The following EYA3 variants were observed in gnomAD, a reference collection of about 807,000 sequenced individuals.
EYA3 encodes the protein protein phosphatase EYA3.
In EYA3, 39 loss-of-function variants were observed where a neutral mutation model predicts 80.0. The ratio of observed to expected loss-of-function variants is 0.49; its 90% CI spans 0.38 to 0.64. The LOEUF is 0.64. EYA3 is among the 30% of genes least tolerant of loss of function. EYA3 has a pLI of 0.00. For synonymous variants in EYA3, 206 were observed against 232.8 expected, an observed-to-expected ratio of 0.88 and a Z score of 1.05; for missense variants, 523 against 676.1, an observed-to-expected ratio of 0.77 and a Z score of 2.51.
chr1:28,070,965 C>T (rs941625560), intron 1 of EYA3, among the ~76,000 whole-genome samples: 19 of 152,194 alleles, frequency 1.2e-4, no homozygotes, highest in African/African-American at 4.3e-4. Flanking sequence ...CTCTATCACC[C>T]AGGCTGGAGT....
At chr1:27,993,305 A>T in intron 14 of EYA3, 95 bp downstream of exon 14, 1 of 1,284,016 alleles carries the variant, frequency 7.8e-7, no homozygotes, top group Non-Finnish European at 1.1e-6. Flanking sequence ...CATAATTTAT[A>T]AGCAGTTGTC....
At chr1:27,991,236 C>T (rs1002287968) in intron 14 of EYA3, among the ~76,000 whole-genome samples, 2 of 152,158 alleles carry the variant, frequency 1.3e-5, no homozygotes, top group Non-Finnish European at 2.9e-5. Context: ...TAAGATTACA[C>T]AGTAAGTTTG....
rs1571810128 is a variant in EYA3 at position 28,017,134 on chromosome 1, G to A, written c.585+20C>T. ...CTGGATGAACTCTATCAAACAGGAT[G>A]AACAAAGGTAGCATCATACCTGGTT... is the stretch of plus-strand genomic sequence containing the variant. On this transcript the variant is annotated intron_variant, in intron 8 of 17. Coordinates refer to ENST00000373871, the MANE Select transcript of EYA3 (RefSeq NM_001990.4). 6.3e-7 allele frequency: 1 copy of A among 1,593,850 alleles called. No homozygotes were observed. Among genetic ancestry groups the A allele is most frequent in the Non-Finnish European group, 8.6e-7 (1 of 1,162,122 alleles).
At chr1:28,040,893 G>C (rs1349517582) in intron 4 of EYA3, among the ~76,000 whole-genome samples, 1 of 152,116 alleles carries the variant, frequency 6.6e-6, no homozygotes, top group East Asian at 1.9e-4. Flanking sequence ...GTTTTAAAAT[G>C]GTAAGATGTT....
At chr1:28,058,573 ACTAT>A (rs1222946803) in intron 1 of EYA3, among the ~76,000 whole-genome samples, 1 of 152,162 alleles carries the variant, frequency 6.6e-6, no homozygotes, top group Non-Finnish European at 1.5e-5. Flanking sequence ...TTCACAACCA[ACTAT>A]CTGTCTATAT....
chr1:27,977,954 C>G (rs946455787), intron 17 of EYA3, among the ~76,000 whole-genome samples: 2 of 151,754 alleles, frequency 1.3e-5, no homozygotes, highest in African/African-American at 4.8e-5. Context: ...GGCTCAAAGG[C>G]AGGAAAGACT....
At chr1:28,040,408 T>C (rs1643708227) in intron 4 of EYA3, among the ~76,000 whole-genome samples, 1 of 152,164 alleles carries the variant, frequency 6.6e-6, no homozygotes, top group African/African-American at 2.4e-5. Flanking sequence ...CCAGTAAAGA[T>C]GTCAAACAGG....
At chr1:27,989,899 G>T in intron 14 of EYA3, 88 bp from the exon 15 acceptor site, 1 of 668,100 alleles carries the variant, frequency 1.5e-6, no homozygotes, top group Non-Finnish European at 2.5e-6. Context: ...AATTTAAAAA[G>T]TGTGAGTCAC....
intron 5 of EYA3, 66 bp from the exon 6 acceptor site, chr1:28,035,746 T>C (rs561477234): frequency 6.9e-7 from 1 of 1,457,446 alleles, no homozygotes; most frequent in East Asian, 2.3e-5. Flanking sequence ...ATAGGTAAAA[T>C]AGCTACCACC....
chr1:27,993,231 C>G (rs547184176), intron 14 of EYA3, among the ~76,000 whole-genome samples, 169 bp downstream of exon 14: 18 of 152,162 alleles, frequency 1.2e-4, no homozygotes, highest in Admixed American at 3.3e-4. Context: ...TATAGAGCTT[C>G]CTCCCAAAAG....
intron 5 of EYA3, among the ~76,000 whole-genome samples, chr1:28,036,989 A>C (rs1643494846): frequency 6.6e-6 from 1 of 152,162 alleles, no homozygotes; most frequent in African/African-American, 2.4e-5. Context: ...GAGGGTATAG[A>C]GTAAGGAAAG....
At chr1:28,010,802 C>G in intron 10 of EYA3, 145 bp downstream of exon 10, 2 of 857,422 alleles carry the variant, frequency 2.3e-6, no homozygotes, top group Non-Finnish European at 1.7e-6. Flanking sequence ...TTTCTTTTAA[C>G]GTGGCCAATT....
intron 3 of EYA3, among the ~76,000 whole-genome samples, chr1:28,047,639 C>A (rs371761543): frequency 7.5e-6 from 1 of 133,224 alleles, no homozygotes. Flanking sequence ...CCTCTTTTCT[C>A]TTTTTTTTTT....
intron 1 of EYA3, among the ~76,000 whole-genome samples, chr1:28,081,204 A>G (rs1032293111): frequency 6.6e-6 from 1 of 152,240 alleles, no homozygotes; most frequent in Non-Finnish European, 1.5e-5. Flanking sequence ...AACAAAAAAT[A>G]CATAGAAATG....
At chr1:28,079,384 A>G (rs1442113488) in intron 1 of EYA3, among the ~76,000 whole-genome samples, 1 of 152,258 alleles carries the variant, frequency 6.6e-6, no homozygotes, top group Non-Finnish European at 1.5e-5. Context: ...ACACATGAGC[A>G]AACTGCTTCA....
At chr1:27,980,238 A>G (rs899483842) in intron 16 of EYA3, among the ~76,000 whole-genome samples, 1 of 152,222 alleles carries the variant, frequency 6.6e-6, no homozygotes, top group Non-Finnish European at 1.5e-5. Context: ...CATTCAACTA[A>G]TAATAAATTC....
At chr1:28,000,089 C>G in intron 11 of EYA3, 40 bp from the exon 12 acceptor site, 1 of 1,448,076 alleles carries the variant, frequency 6.9e-7, no homozygotes, top group Non-Finnish European at 9.6e-7. Context: ...ACTTGGTAGT[C>G]ACAGTCCTGG....
chr1:28,079,758 C>G (rs1325030125), intron 1 of EYA3, among the ~76,000 whole-genome samples: 1 of 151,636 alleles, frequency 6.6e-6, no homozygotes, highest in Non-Finnish European at 1.5e-5. Context: ...CATCCACGTA[C>G]ATTGCAGAGA....
rs115791394 is a variant in EYA3, at chr1:28,026,051, G to A, written c.499+1738C>T. ...TAGGATTACAGGCGTGAGCCACCAC[G>A]CCCAGCCTCATGACTCTTAAAGCAA... On this transcript the variant is annotated intron_variant, in intron 7 of 17. Coordinates refer to ENST00000373871, the MANE Select transcript of EYA3 (RefSeq NM_001990.4). 4.6e-3 allele frequency among the ~76,000 whole-genome samples: 701 copies of A among 152,270 alleles called. 5 individuals are homozygous for A. Among genetic ancestry groups the A allele is most frequent in the African/African-American group, 0.016 (671 of 41,548 alleles).
Sources: allele counts gnomAD v4.1 joint callset (sites outside exome capture counted in the v4.1 genomes callset), GRCh38; gene constraint gnomAD v4.1.1; transcripts MANE v1.5; gene names NCBI Gene and HGNC (gene_info 2026-07-23, HGNC 2026-07-21).